The following TMEM94 variants were observed in gnomAD, a reference collection of about 807,000 sequenced individuals.
TMEM94 encodes the protein ER Mg2+ ATPase.
TMEM94 carries 81 observed loss-of-function variants against 158.6 expected under a neutral mutation model. The ratio of observed to expected loss-of-function variants is 0.51; its 90% CI spans 0.43 to 0.61. TMEM94 has a LOEUF of 0.61. TMEM94 is among the 20% of genes least tolerant of loss of function. The pLI is 0.00. For missense variants in TMEM94, 1,435 were observed against 1,762.0 expected, an observed-to-expected ratio of 0.81 and a Z score of 3.32; for synonymous variants, 751 against 730.7, an observed-to-expected ratio of 1.03 and a Z score of -0.45.
In TMEM94 at chr17:75,495,991, G is replaced by C; in HGVS notation, c.2970G>C (p.Met990Ile). Residue 990 changes from methionine to isoleucine, a missense_variant, in exon 23 of 32, where the codon ATG (methionine) becomes ATC (isoleucine). This residue lies in a region of TMEM94 where 49 missense variants were observed against 98.5 expected (regional missense o/e 0.50). Coordinates refer to ENST00000314256, the MANE Select transcript of TMEM94 (RefSeq NM_014738.6). This position sits in a 1 kb window ranked among gnomAD's most constrained non-coding sequence, Gnocchi z 5.6. ...CCATGTGTGAGATGATAAAGATCATGCAAGAGTACGGGGAGGTGACCTGCT... is the reference window on the plus strand; with the variant it reads ...CCATGTGTGAGATGATAAAGATCATCCAAGAGTACGGGGAGGTGACCTGCT... ...PETMCEMIKI[M>I]QEYGEVTCCL... 6.2e-7 allele frequency: 1 copy of C among 1,613,450 alleles called. No individual in the cohort carries two copies. The highest frequency in any genetic ancestry group is 8.5e-7 in the Non-Finnish European group (1 of 1,179,892).
Position 75,492,315 on chromosome 17 carries a change from C to T in TMEM94, c.1597-159C>T. The T allele has an allele frequency of 7.0e-7, 1 of 1,430,990 alleles. No individual in the cohort carries two copies. Among genetic ancestry groups the T allele is most frequent in the Non-Finnish European group, 9.1e-7 (1 of 1,096,964 alleles). The allele number at this position is 1,430,990 out of a possible 1,614,324, so 88.6% of individuals were successfully genotyped here. On this transcript the variant is annotated intron_variant, in intron 14 of 31. Transcript: ENST00000314256. This position sits in a 1 kb window ranked among gnomAD's most constrained non-coding sequence, Gnocchi z 4.4. ...CCCAAGAAGGACAGGAAGCGGATTTCAGGAGGGAGCGGGTGGAAGAGGGTG... is the reference window on the plus strand; with the variant it reads ...CCCAAGAAGGACAGGAAGCGGATTTTAGGAGGGAGCGGGTGGAAGAGGGTG...
Position 75,499,420 on chromosome 17 carries a change from T to C in TMEM94, c.*86T>C. On this transcript the variant is annotated 3_prime_UTR_variant, in exon 32 of 32. Coordinates refer to ENST00000314256, the MANE Select transcript of TMEM94 (RefSeq NM_014738.6). ...TGAACAGGGGAGTTTGTATCATGAATGTTTCCAGGTTTGCTCCTGCACCCG... is the reference window on the plus strand; with the variant it reads ...TGAACAGGGGAGTTTGTATCATGAACGTTTCCAGGTTTGCTCCTGCACCCG... The C allele has an allele frequency of 7.5e-7, 1 of 1,341,002 alleles. No homozygotes were observed. Among genetic ancestry groups the C allele is most frequent in the Non-Finnish European group, 1.1e-6 (1 of 942,240 alleles). 83.1% of individuals were successfully genotyped at this position (1,341,002 alleles called of 1,614,324 possible).
chr17:75,471,063 C>G (rs2050482738), intron 1 of TMEM94, among the ~76,000 whole-genome samples: 1 of 151,380 alleles, frequency 6.6e-6, no homozygotes. Context: ...ATGGTGAAAC[C>G]CCGTCTTTAC....
chr17:75,485,683 G>C lies in TMEM94; in HGVS notation c.144+136G>C. On this transcript the variant is annotated intron_variant, in intron 3 of 31. Coordinates refer to ENST00000314256, the MANE Select transcript of TMEM94 (RefSeq NM_014738.6). This position sits in a 1 kb window ranked among gnomAD's most constrained non-coding sequence, Gnocchi z 5.5. ...CTGAGGCCTCATGAAATATCAGAAA[G>C]AAGCCAAGGTTCCCCTCAGAGTGGC... 2 of 1,395,476 alleles carry C rather than the reference G, an allele frequency of 1.4e-6. No individual in the cohort carries two copies. The highest frequency in any genetic ancestry group is 4.3e-5 in the Admixed American group (2 of 46,854). The allele number at this position is 1,395,476 out of a possible 1,614,324, so 86.4% of individuals were successfully genotyped here.
chr17:75,478,078 G>T (rs375559376), intron 2 of TMEM94, among the ~76,000 whole-genome samples: 2 of 121,548 alleles, frequency 1.6e-5, no homozygotes, highest in Admixed American at 8.0e-5. Context: ...TGCAGTGGCG[G>T]GATCTCGGCT....
Position 75,476,528 on chromosome 17 carries a change from G to A in TMEM94, c.24+4599G>A. 2.8e-6 allele frequency: 4 copies of A among 1,429,138 alleles called. 1 individual carries two copies. In the South Asian group the frequency reaches 4.5e-5, roughly 16 times the overall value. The allele number at this position is 1,429,138 out of a possible 1,614,324, so 88.5% of individuals were successfully genotyped here. A position where few individuals can be genotyped will look rare whatever the true frequency, so the allele number is the denominator to read the frequency against. On this transcript the variant is annotated intron_variant, in intron 2 of 31. Transcript: ENST00000314256. ...AATCAGCAGATTGAAGCTCTGCTCT[G>A]CTGCGCCTGATTCTGTGCAGCACCC...
chr17:75,466,313 T>C (rs1416447910), intron 1 of TMEM94, among the ~76,000 whole-genome samples: 2 of 152,222 alleles, frequency 1.3e-5, no homozygotes, highest in South Asian at 2.1e-4. Context: ...TTCTGTCCCA[T>C]TGATTTGTAT....
chr17:75,496,998 C>T, intron 25 of TMEM94, 115 bp from the exon 26 acceptor site: 1 of 1,073,084 alleles, frequency 9.3e-7, no homozygotes, highest in Non-Finnish European at 1.4e-6. Flanking sequence ...GCCCCTGTTC[C>T]CTCTGGCAGG....
chr17:75,477,898 A>C (rs1196571544), intron 2 of TMEM94, among the ~76,000 whole-genome samples: 1 of 144,408 alleles, frequency 6.9e-6, no homozygotes, highest in Non-Finnish European at 1.5e-5. Context: ...AGTCCCAGCT[A>C]CTCTGGAGGC....
intron 16 of TMEM94, 189 bp from the exon 17 acceptor site, chr17:75,493,302 G>A: frequency 2.4e-6 from 2 of 830,836 alleles, no homozygotes; most frequent in Non-Finnish European, 3.8e-6. Flanking sequence ...TTGTCCAAAG[G>A]ATGGGAATAT....
At chr17:75,466,809 A>G (rs1474069150) in intron 1 of TMEM94, among the ~76,000 whole-genome samples, 2 of 143,006 alleles carry the variant, frequency 1.4e-5, no homozygotes, top group African/African-American at 2.9e-5. Flanking sequence ...CAGGAGTGGG[A>G]AAAAAAAAAT....
At position 75,467,723 on chromosome 17, in the gene TMEM94, G is replaced by A. The variant is rs549219302; in HGVS notation, c.-106-4077G>A. Among the ~76,000 whole-genome samples, 8 of 150,740 alleles carry A rather than the reference G, an allele frequency of 5.3e-5. No individual in the cohort carries two copies. In the South Asian group the frequency reaches 6.3e-4, roughly 12 times the overall value. ...AATTTTTTGTATTTTTAGTAGAGAC[G>A]GGGTTTCACCTTGTTAGCCAGGATG... On this transcript the variant is annotated intron_variant, in intron 1 of 31. Transcript: ENST00000314256.
At position 75,494,157 on chromosome 17, in the gene TMEM94, AG is replaced by A. The variant is rs576543826; in HGVS notation, c.2407+242del. 4.5e-3 allele frequency among the ~76,000 whole-genome samples: 683 copies of A among 152,302 alleles called. 9 individuals carry two copies. The highest frequency in any genetic ancestry group is 6.8e-3 in the Non-Finnish European group (464 of 68,018). ...CCTCACTGGTTGGTTGTGATGCTCA[AG>A]TGGGTTACGTGTATCAGAATGCTTT... On this transcript the variant is annotated intron_variant, in intron 18 of 31. Coordinates refer to ENST00000314256, the MANE Select transcript of TMEM94 (RefSeq NM_014738.6).
At chr17:75,480,238 G>T (rs576050413) in intron 2 of TMEM94, among the ~76,000 whole-genome samples, 1 of 152,248 alleles carries the variant, frequency 6.6e-6, no homozygotes, top group African/African-American at 2.4e-5. Context: ...GGCCCAGAAC[G>T]CTGGGTCCTC....
rs2052588734 is a variant in TMEM94 at position 75,495,446 on chromosome 17, G to A, written c.2844+47G>A. The A allele has an allele frequency of 6.3e-7, 1 of 1,593,598 alleles. No individual in the cohort carries two copies. ...CACGTGTTCCTGTAGTGGTCCCATAGCTGGTCCAGGGGAGAGGTAGAGAGG... is the reference window on the plus strand; with the variant it reads ...CACGTGTTCCTGTAGTGGTCCCATAACTGGTCCAGGGGAGAGGTAGAGAGG... On this transcript the variant is annotated intron_variant, in intron 21 of 31. Coordinates refer to ENST00000314256, the MANE Select transcript of TMEM94 (RefSeq NM_014738.6). This position sits in a 1 kb window ranked among gnomAD's most constrained non-coding sequence, Gnocchi z 5.6.
rs780040766 is a variant in TMEM94, at chr17:75,491,668, C to T, written c.1387-23C>T. The T allele has an allele frequency of 3.1e-6, 5 of 1,612,542 alleles. No homozygotes were observed. Among genetic ancestry groups the T allele is most frequent in the South Asian group, 2.2e-5 (2 of 90,984 alleles). On this transcript the variant is annotated intron_variant, in intron 13 of 31. Transcript: ENST00000314256. The surrounding 1 kb of genome is among the most constrained non-coding windows in gnomAD (Gnocchi z 5.1). ...AGGCCATGGGAGCCACTGGTCCTAG[C>T]CTGTGCTCCTCATTCTCTTCAGCCC...
chr17:75,467,217 C>T (rs933359806), intron 1 of TMEM94, among the ~76,000 whole-genome samples: 6 of 152,008 alleles, frequency 3.9e-5, no homozygotes, highest in Non-Finnish European at 5.9e-5. Flanking sequence ...TCAGGTGATC[C>T]ACCCACCTCA....
At chr17:75,486,818 G>A (rs2051658473) in intron 5 of TMEM94, among the ~76,000 whole-genome samples, 1 of 152,214 alleles carries the variant, frequency 6.6e-6, no homozygotes, top group Admixed American at 6.5e-5. Flanking sequence ...GCAGGAATTG[G>A]GGTGGGGTAG....
At position 75,485,703 on chromosome 17, in the gene TMEM94, A is replaced by C; in HGVS notation, c.144+156A>C. 7.5e-7 allele frequency: 1 copy of C among 1,336,210 alleles called. No homozygotes were observed. Among genetic ancestry groups the C allele is most frequent in the Non-Finnish European group, 1.0e-6 (1 of 974,816 alleles). The allele number at this position is 1,336,210 out of a possible 1,614,324, so 82.8% of individuals were successfully genotyped here. A position where few individuals can be genotyped will look rare whatever the true frequency, so the allele number is the denominator to read the frequency against. Reference sequence around the variant, plus strand: ...AGAAAGAAGCCAAGGTTCCCCTCAGAGTGGCTCCTGAGCCTGCTTGCTGCA... The same window carrying C: ...AGAAAGAAGCCAAGGTTCCCCTCAGCGTGGCTCCTGAGCCTGCTTGCTGCA... On this transcript the variant is annotated intron_variant, in intron 3 of 31. Transcript: ENST00000314256. This position sits in a 1 kb window ranked among gnomAD's most constrained non-coding sequence, Gnocchi z 5.5.
Sources: gnomAD v4.1 joint callset for allele counts (sites outside exome capture counted in the v4.1 genomes callset) on GRCh38, gnomAD v4.1.1 for gene constraint, gnomAD v4.1.1 regional missense constraint, Gnocchi (gnomAD v3.1) non-coding constraint, MANE v1.5 for transcripts, NCBI Gene and HGNC (gene_info 2026-07-23, HGNC 2026-07-21) for gene names.